Variants in TENM4 observed in about 807,000 individuals in gnomAD.
TENM4 encodes the protein teneurin transmembrane protein 4.
TENM4 carries 82 observed loss-of-function variants against 243.3 expected under a neutral mutation model. The observed-to-expected ratio is 0.34, with a 90% CI of 0.28 to 0.40. TENM4 has a LOEUF of 0.40. Ranked by LOEUF, TENM4 falls within the 10% of genes least tolerant of loss-of-function variation. The probability of loss-of-function intolerance (pLI) is 1.00; values close to 1 mark genes in which losing one functional copy is unlikely to be tolerated. For missense variants in TENM4, 3,138 were observed against 3,673.3 expected, an observed-to-expected ratio of 0.85 and a Z score of 3.77; for synonymous variants, 1,412 against 1,456.3, an observed-to-expected ratio of 0.97 and a Z score of 0.69.
At chr11:79,154,245 G>C (rs969360322) in intron 3 of TENM4, among the ~76,000 whole-genome samples, 6 of 152,072 alleles carry the variant, frequency 3.9e-5, no homozygotes, top group Middle Eastern at 3.2e-3. Context: ...CAATCATCGG[G>C]GAAGGAGAAA....
At chr11:78,735,322 A>G (rs1259657257) in intron 20 of TENM4, among the ~76,000 whole-genome samples, 1 of 152,202 alleles carries the variant, frequency 6.6e-6, no homozygotes, top group African/African-American at 2.4e-5. Context: ...GAGAATACCC[A>G]TGGTTTTGGG....
intron 4 of TENM4, among the ~76,000 whole-genome samples, chr11:79,131,442 GA>G (rs1862001418): frequency 6.6e-6 from 1 of 152,158 alleles, no homozygotes; most frequent in South Asian, 2.1e-4. Flanking sequence ...CATCATATAT[GA>G]AGGAAAGGTA....
At chr11:79,410,140 G>A (rs1227731311) in intron 1 of TENM4, among the ~76,000 whole-genome samples, 1 of 152,182 alleles carries the variant, frequency 6.6e-6, no homozygotes, top group East Asian at 1.9e-4. Flanking sequence ...GAGCCTGCAG[G>A]CTGCGGGTTG....
chr11:79,094,631 A>T (rs552059838), intron 4 of TENM4, among the ~76,000 whole-genome samples: 29 of 152,162 alleles, frequency 1.9e-4, no homozygotes, highest in African/African-American at 7.0e-4. Context: ...TCCTCCCTTC[A>T]GCTCTGACTG....
chr11:78,853,234 G>A (rs1381174470), intron 12 of TENM4, among the ~76,000 whole-genome samples: 1 of 152,106 alleles, frequency 6.6e-6, no homozygotes, highest in Non-Finnish European at 1.5e-5. Context: ...TTTTCCTGTA[G>A]GGAATTTTTA....
chr11:78,814,220 C>A (rs1591043327), intron 13 of TENM4, 74 bp downstream of exon 13: 3 of 1,419,204 alleles, frequency 2.1e-6, no homozygotes, highest in Admixed American at 2.2e-5. Context: ...TCTGCACTTG[C>A]TCTGAGAAGT....
intron 1 of TENM4, among the ~76,000 whole-genome samples, chr11:79,340,005 C>G (rs1049838147): frequency 6.6e-6 from 1 of 151,990 alleles, no homozygotes; most frequent in African/African-American, 2.4e-5. Context: ...AAGCCTTCTG[C>G]CAGGGTGGTG....
At position 78,658,210 on chromosome 11, in the gene TENM4, A is replaced by G. The variant is rs1857943003; in HGVS notation, c.8158T>C (p.Trp2720Arg). The G allele has an allele frequency of 1.2e-6, 2 of 1,613,944 alleles. No individual in the cohort carries two copies. Among genetic ancestry groups the G allele is most frequent in the Non-Finnish European group, 1.7e-6 (2 of 1,179,872 alleles). ...LREGEEGLRA[W>R]TEGEKQQVLS... ...ACCTGCTGCTTCTCCCCCTCTGTCC[A>G]GGCCCGCAGGCCTTCCTCCCCTTCC... Residue 2720 changes from tryptophan to arginine, a missense_variant, in exon 34 of 34, where the codon TGG becomes CGG. Coordinates refer to ENST00000278550, the MANE Select transcript of TENM4 (RefSeq NM_001098816.3).
At chr11:79,405,907 C>T (rs866610858) in intron 1 of TENM4, among the ~76,000 whole-genome samples, 17 of 151,004 alleles carry the variant, frequency 1.1e-4, no homozygotes, top group African/African-American at 4.1e-4. Flanking sequence ...ACTGCATGTC[C>T]TTATCTGGAA....
At chr11:79,284,390 T>G (rs559102525) in intron 2 of TENM4, among the ~76,000 whole-genome samples, 1 of 152,184 alleles carries the variant, frequency 6.6e-6, no homozygotes, top group African/African-American at 2.4e-5. Context: ...TTTAGAGTCT[T>G]GAAATAAACC....
chr11:79,146,316 A>C (rs1394050419), intron 4 of TENM4, among the ~76,000 whole-genome samples: 1 of 152,122 alleles, frequency 6.6e-6, no homozygotes, highest in African/African-American at 2.4e-5. Context: ...CTGTCTGGAG[A>C]ACAAGGATGT....
At chr11:78,949,958 C>G (rs1857079653) in intron 6 of TENM4, among the ~76,000 whole-genome samples, 1 of 152,076 alleles carries the variant, frequency 6.6e-6, no homozygotes, top group South Asian at 2.1e-4. Flanking sequence ...TTGATTCTCT[C>G]TCTCCATTAT....
chr11:79,300,780 A>C (rs967450811), intron 1 of TENM4, among the ~76,000 whole-genome samples: 17 of 152,172 alleles, frequency 1.1e-4, no homozygotes, highest in African/African-American at 4.1e-4. Context: ...TTTGTGTGTT[A>C]ATCTCTTTCC....
intron 12 of TENM4, among the ~76,000 whole-genome samples, chr11:78,831,646 G>A (rs369460209): frequency 6.6e-6 from 1 of 152,208 alleles, no homozygotes; most frequent in Admixed American, 6.5e-5. Flanking sequence ...AGTGCAGCGG[G>A]GCTGGCACAC....
At position 78,661,514 on chromosome 11, in the gene TENM4, C is replaced by T; in HGVS notation, c.7486G>A (p.Ala2496Thr). ...ATGAGCTCGTAGGAGGGTTCCATGG[C>T]ATCCATGTCTGGTTTGGGATAACCA... The part of the protein sequence containing the change: ...IPGYPKPDMD[A>T]MEPSYELIHT... The change falls in exon 33 of 34, where the codon GCC (alanine) becomes ACC (threonine). Residue 2496 changes from alanine to threonine, a missense_variant. Ala to Thr is a moderately conservative substitution (Grantham distance 58). This residue lies in a region of TENM4 where 2,467 missense variants were observed against 3,059.1 expected (regional missense o/e 0.81). Transcript: ENST00000278550. The T allele has an allele frequency of 6.2e-7, 1 of 1,612,674 alleles. No individual in the cohort carries two copies. Among genetic ancestry groups the T allele is most frequent in the Non-Finnish European group, 8.5e-7 (1 of 1,179,458 alleles).
intron 1 of TENM4, among the ~76,000 whole-genome samples, chr11:79,298,297 T>C (rs1320330668): frequency 6.6e-6 from 1 of 151,750 alleles, no homozygotes; most frequent in Non-Finnish European, 1.5e-5. Flanking sequence ...GGGTGGATCA[T>C]GAGGTCAGGA....
chr11:79,232,771 C>T (rs1864395453), intron 2 of TENM4, among the ~76,000 whole-genome samples: 2 of 152,190 alleles, frequency 1.3e-5, no homozygotes, highest in African/African-American at 4.8e-5. Flanking sequence ...TGGATAGATC[C>T]TCAGTCAGCC....
At chr11:78,743,219 C>G (rs2135917420) in intron 19 of TENM4, among the ~76,000 whole-genome samples, 1 of 152,274 alleles carries the variant, frequency 6.6e-6, no homozygotes. Context: ...GTATACACCA[C>G]TCCTGCTCCT....
At chr11:79,077,242 A>G (rs1295065413) in intron 4 of TENM4, among the ~76,000 whole-genome samples, 1 of 152,180 alleles carries the variant, frequency 6.6e-6, no homozygotes, top group Non-Finnish European at 1.5e-5. Flanking sequence ...GCTTCTATAC[A>G]CTGGGCAAGT....
Sources: gnomAD v4.1 joint callset for allele counts (sites outside exome capture counted in the v4.1 genomes callset) on GRCh38, gnomAD v4.1.1 for gene constraint, gnomAD v4.1.1 regional missense constraint, MANE v1.5 for transcripts, NCBI Gene and HGNC (gene_info 2026-07-23, HGNC 2026-07-21) for gene names.